The following MEIS1 variants were observed in gnomAD, a reference collection of about 807,000 sequenced individuals.
MEIS1 encodes homeobox protein Meis1.
A neutral mutation model predicts 50.8 loss-of-function variants in MEIS1; 5 were observed. The ratio of observed to expected loss-of-function variants is 0.10; its 90% CI spans 0.05 to 0.21. The LOEUF (loss-of-function observed/expected upper bound fraction) is 0.21, where lower values mean the gene tolerates loss of function less well. Among genes scored for constraint, MEIS1 ranks in the 10% least tolerant of loss-of-function variants. The pLI is 1.00. For missense variants in MEIS1, 318 were observed against 517.3 expected (o/e 0.61, Z 3.74); for synonymous variants, 176 against 179.3 (o/e 0.98, Z 0.15).
intron 11 of MEIS1, 116 bp downstream of exon 11, chr2:66,568,872 C>G: frequency 8.8e-7 from 1 of 1,135,094 alleles, no homozygotes; most frequent in Non-Finnish European, 1.3e-6. Flanking sequence ...GCTGCCTTGC[C>G]TTGTCTGCTA....
At chr2:66,570,357 C>G (rs1268632121) in intron 12 of MEIS1, 2 of 151,712 alleles carry the variant, frequency 1.3e-5, no homozygotes, top group Admixed American at 1.3e-4. Flanking sequence ...TAGGTTATTA[C>G]AAAAAAAATT....
chr2:66,554,095 C>G (rs1440069164), intron 9 of MEIS1, among the ~76,000 whole-genome samples: 3 of 152,164 alleles, frequency 2.0e-5, no homozygotes, highest in African/African-American at 4.8e-5. Flanking sequence ...GCTGGTACAA[C>G]CTGAGGAATT....
chr2:66,500,440 A>G (rs1452885987), intron 7 of MEIS1, among the ~76,000 whole-genome samples: 1 of 151,918 alleles, frequency 6.6e-6, no homozygotes, highest in Admixed American at 6.6e-5. Context: ...TTTATTTTTT[A>G]TTGAGATGGA....
In MEIS1 at chr2:66,435,575, C is replaced by A; in HGVS notation, c.-282C>A. On this transcript the variant is annotated 5_prime_UTR_variant, in exon 1 of 13. It adds an upstream start codon to the 5' untranslated region. Coordinates refer to ENST00000272369, the MANE Select transcript of MEIS1 (RefSeq NM_002398.3). ...CTTTCTTTCTTTTTTTTTTTTTAAA[C>A]TGATTTTTGGGGGAGAGAAGATCTG... The A allele has an allele frequency of 1.0e-3, 321 of 307,912 alleles. No individual in the cohort carries two copies. The highest frequency in any genetic ancestry group is 3.4e-3 in the Middle Eastern group (4 of 1,168). 19.1% of individuals were successfully genotyped at this position (307,912 alleles called of 1,614,324 possible). A position where few individuals can be genotyped will look rare whatever the true frequency, so the allele number is the denominator to read the frequency against.
chr2:66,523,494 C>T (rs1674177661), intron 8 of MEIS1, among the ~76,000 whole-genome samples: 1 of 152,174 alleles, frequency 6.6e-6, no homozygotes, highest in Non-Finnish European at 1.5e-5. Context: ...GTTGCAATAG[C>T]ACCATAAATC....
chr2:66,510,917 G>A (rs1002242789), intron 7 of MEIS1, among the ~76,000 whole-genome samples: 1 of 152,166 alleles, frequency 6.6e-6, no homozygotes, highest in Non-Finnish European at 1.5e-5. Flanking sequence ...GAGGCTATGT[G>A]CAGGAAACTT....
intron 7 of MEIS1, among the ~76,000 whole-genome samples, chr2:66,473,015 C>G (rs1041227277): frequency 6.6e-6 from 1 of 152,132 alleles, no homozygotes; most frequent in Non-Finnish European, 1.5e-5. Context: ...ATAAAACCCA[C>G]AGGACTACAA....
intron 6 of MEIS1, chr2:66,445,172 G>C (rs1206026695): frequency 6.6e-6 from 1 of 152,210 alleles, no homozygotes. Flanking sequence ...GTCCCCGCTG[G>C]TTAAGAGTGG....
Position 66,439,915 on chromosome 2 carries a change from G to A in MEIS1, c.312G>A (p.Pro104=), listed in dbSNP as rs184168259. Residue 104 remains proline, a synonymous_variant, in exon 3 of 13, where the codon CCG becomes CCA. Transcript: ENST00000272369. ...TAGCTACTTGTACCCCCCGCGAGCC[G>A]GGGGTGGCGGGCGGGGACGTCTGCT... ...CELATCTPRE[P]GVAGGDVCSS... The A allele has an allele frequency of 1.2e-6, 2 of 1,613,584 alleles. No homozygotes were observed. Among genetic ancestry groups the A allele is most frequent in the East Asian group, 2.2e-5 (1 of 44,848 alleles).
chr2:66,560,819 A>G (rs1269425277), intron 9 of MEIS1, among the ~76,000 whole-genome samples: 1 of 151,914 alleles, frequency 6.6e-6, no homozygotes, highest in African/African-American at 2.4e-5. Flanking sequence ...CCTCCTGTCT[A>G]TTCTCCTCCT....
intron 7 of MEIS1, among the ~76,000 whole-genome samples, chr2:66,466,803 A>C (rs1672647258): frequency 6.6e-6 from 1 of 152,238 alleles, no homozygotes; most frequent in Admixed American, 6.5e-5. Flanking sequence ...ATCTGTCAAG[A>C]ACATATCCAA....
intron 6 of MEIS1, chr2:66,443,269 T>A: frequency 1.9e-6 from 1 of 514,158 alleles, no homozygotes; most frequent in Non-Finnish European, 3.3e-6. Context: ...AAAGCTTTGC[T>A]AGCAAACTTG....
intron 6 of MEIS1, among the ~76,000 whole-genome samples, chr2:66,447,219 C>T (rs921582749): frequency 1.3e-5 from 2 of 152,300 alleles, no homozygotes; most frequent in East Asian, 1.9e-4. Flanking sequence ...TGGACACAAA[C>T]AGCGGGAGGC....
At chr2:66,469,158 G>C (rs1272903195) in intron 7 of MEIS1, among the ~76,000 whole-genome samples, 1 of 151,544 alleles carries the variant, frequency 6.6e-6, no homozygotes, top group Admixed American at 6.6e-5. Flanking sequence ...TTCTCCTTTA[G>C]GAGGCAGGAC....
intron 9 of MEIS1, 142 bp from the exon 10 acceptor site, chr2:66,567,311 A>C: frequency 1.2e-6 from 1 of 822,262 alleles, no homozygotes; most frequent in South Asian, 1.5e-5. Context: ...GTGAGGCTGC[A>C]CATAGAGCAA....
chr2:66,505,331 A>G (rs1056216964), intron 7 of MEIS1, among the ~76,000 whole-genome samples: 4 of 152,206 alleles, frequency 2.6e-5, no homozygotes, highest in Admixed American at 2.6e-4. Context: ...CCTTGAGCCC[A>G]GGAGTTTGAG....
chr2:66,438,187 G>A (rs1671849417), intron 2 of MEIS1, among the ~76,000 whole-genome samples: 1 of 152,204 alleles, frequency 6.6e-6, no homozygotes, highest in Admixed American at 6.5e-5. Context: ...CACCATGGCA[G>A]TGCCCGCAAG....
At chr2:66,439,623 C>A (rs755306750) in intron 2 of MEIS1, 3 of 1,537,266 alleles carry the variant, frequency 2.0e-6, no homozygotes, top group South Asian at 2.4e-5. Context: ...CCTCAGATAC[C>A]GTCCATGGCT....
intron 7 of MEIS1, among the ~76,000 whole-genome samples, chr2:66,472,900 C>T (rs769456447): frequency 2.4e-4 from 36 of 152,154 alleles, no homozygotes; most frequent in Non-Finnish European, 3.8e-4. Flanking sequence ...TCAGATTGAT[C>T]TTCTTCAAGG....
Sources: allele counts gnomAD v4.1 joint callset (sites outside exome capture counted in the v4.1 genomes callset), GRCh38; gene constraint gnomAD v4.1.1; transcripts MANE v1.5; gene names NCBI Gene and HGNC (gene_info 2026-07-23, HGNC 2026-07-21).